Variants in NDEL1 observed in about 807,000 individuals in gnomAD.
NDEL1 encodes the protein nuclear distribution protein nudE-like 1.
Under a neutral mutation model 45.7 loss-of-function variants are expected in NDEL1, and 9 were observed. The observed-to-expected ratio is 0.20, with a 90% CI of 0.12 to 0.34. NDEL1 has a LOEUF of 0.34. NDEL1 is among the 10% of genes least tolerant of loss of function. The pLI is 1.00. For missense variants in NDEL1, 306 were observed against 406.2 expected, an observed-to-expected ratio of 0.75 and a Z score of 2.12; for synonymous variants, 133 against 158.6, an observed-to-expected ratio of 0.84 and a Z score of 1.21.
In NDEL1 at chr17:8,465,328, C is replaced by G. The variant is rs1035850813; in HGVS notation, c.945-1602C>G. The G allele has an allele frequency of 5.3e-5, 8 of 152,198 alleles. No individual in the cohort carries two copies. Among genetic ancestry groups the G allele is most frequent in the Admixed American group, 2.6e-4 (4 of 15,284 alleles). 9.4% of individuals were successfully genotyped at this position (152,198 alleles called of 1,614,324 possible). ...TCAAACTTGCAAATGTGTTGAAGCT[C>G]AAAAATCAGACCTAACCCAGTGAGG... On this transcript the variant is annotated intron_variant, in intron 8 of 8. Coordinates refer to ENST00000334527, the MANE Select transcript of NDEL1 (RefSeq NM_030808.5). The surrounding 1 kb of genome is among the most constrained non-coding windows in gnomAD (Gnocchi z 4.9).
chr17:8,472,586 C>A (rs1005368234), downstream of NDEL1, among the ~76,000 whole-genome samples: 1 of 152,116 alleles, frequency 6.6e-6, no homozygotes, highest in Non-Finnish European at 1.5e-5. Context: ...ATGGCTTGAA[C>A]CCGGAGGTGG....
chr17:8,465,781 T>G lies in NDEL1; in HGVS notation c.945-1149T>G, dbSNP rs1157952593. On this transcript the variant is annotated intron_variant, in intron 8 of 8. Transcript: ENST00000334527. This position sits in a 1 kb window ranked among gnomAD's most constrained non-coding sequence, Gnocchi z 4.9. ...TTGGCTTTATCTCCCAAATTGCTAG[T>G]GGGACAAATTTTCCTAGGAAGCGTT... The G allele has an allele frequency of 1.3e-5, 2 of 152,284 alleles. No individual in the cohort carries two copies. The highest frequency in any genetic ancestry group is 2.4e-5 in the African/African-American group (1 of 41,392). The allele number at this position is 152,284 out of a possible 1,614,324, so 9.4% of individuals were successfully genotyped here.
intron 7 of NDEL1, among the ~76,000 whole-genome samples, chr17:8,455,581 G>A (rs1460056284): frequency 6.6e-6 from 1 of 151,434 alleles, no homozygotes; most frequent in Non-Finnish European, 1.5e-5. Flanking sequence ...CAGCTACTTG[G>A]GAGGCTGAGG....
At chr17:8,462,432 G>A (rs550158169) in intron 8 of NDEL1, among the ~76,000 whole-genome samples, 17 of 152,134 alleles carry the variant, frequency 1.1e-4, no homozygotes, top group Admixed American at 5.9e-4. Context: ...CTTTCTTGCC[G>A]CTTTGCTTCG....
At chr17:8,454,710 T>C (rs966358670) in intron 6 of NDEL1, 86 bp from the exon 7 acceptor site, 4 of 909,472 alleles carry the variant, frequency 4.4e-6, no homozygotes, top group African/African-American at 1.7e-5. Context: ...TTGTATTGAG[T>C]GTTACACTAC....
At chr17:8,431,699 A>G (rs1909003453), upstream of NDEL1, among the ~76,000 whole-genome samples, 1 of 152,190 alleles carries the variant, frequency 6.6e-6, no homozygotes, top group Non-Finnish European at 1.5e-5. Flanking sequence ...AATGGGAATA[A>G]CACTACCTAT....
At chr17:8,468,305 CT>C (rs1443488351), downstream of NDEL1, 2 of 152,280 alleles carry the variant, frequency 1.3e-5, no homozygotes, top group African/African-American at 2.4e-5. Context: ...CCGGAGATGT[CT>C]TATGTGCGGA....
chr17:8,470,865 CGCT>C (rs1371516451), downstream of NDEL1, among the ~76,000 whole-genome samples: 1 of 152,178 alleles, frequency 6.6e-6, no homozygotes, highest in African/African-American at 2.4e-5. The surrounding 1 kb of genome is among the most constrained non-coding windows in gnomAD (Gnocchi z 4.2). Flanking sequence ...CTCCTGTGCC[CGCT>C]GCGCATGCTG....
At chr17:8,469,684 G>T (rs1197316951), downstream of NDEL1, among the ~76,000 whole-genome samples, 1 of 148,466 alleles carries the variant, frequency 6.7e-6, no homozygotes, top group Non-Finnish European at 1.5e-5. Flanking sequence ...GCAGTGGGGG[G>T]TTATATACCA....
At chr17:8,419,526 T>A (rs1319447287) in intron 1 of NDEL1, among the ~76,000 whole-genome samples, 1 of 152,212 alleles carries the variant, frequency 6.6e-6, no homozygotes, top group East Asian at 1.9e-4. Context: ...AGTATTTCTT[T>A]GCATGTATAT....
chr17:8,432,470 C>T (rs1000513528), upstream of NDEL1, among the ~76,000 whole-genome samples: 24 of 150,252 alleles, frequency 1.6e-4, no homozygotes, highest in African/African-American at 3.7e-4. Flanking sequence ...CTGCAAGCTC[C>T]GCCTCCCGGG....
At chr17:8,462,492 C>A (rs1472796124) in intron 8 of NDEL1, among the ~76,000 whole-genome samples, 1 of 152,244 alleles carries the variant, frequency 6.6e-6, no homozygotes, top group East Asian at 1.9e-4. Context: ...TTTCTTCTGC[C>A]AACCTGTTGA....
downstream of NDEL1, among the ~76,000 whole-genome samples, chr17:8,473,039 T>C (rs899538380): frequency 4.6e-5 from 7 of 152,116 alleles, no homozygotes; most frequent in Admixed American, 4.6e-4. Flanking sequence ...GAGTGTCGGG[T>C]CAGTCAAGAA....
chr17:8,463,142 A>G, intron 8 of NDEL1: 1 of 527,988 alleles, frequency 1.9e-6, no homozygotes, highest in Non-Finnish European at 3.4e-6. Context: ...GAGTCTCTCA[A>G]AAACACTCTT....
chr17:8,424,085 AGAC>A (rs1219520369), intron 1 of NDEL1, among the ~76,000 whole-genome samples: 1 of 152,254 alleles, frequency 6.6e-6, no homozygotes, highest in Non-Finnish European at 1.5e-5. Context: ...AAGGAAGAAC[AGAC>A]GAGAGAGAGA....
chr17:8,429,054 C>T (rs552665556), intron 1 of NDEL1, among the ~76,000 whole-genome samples: 3 of 152,276 alleles, frequency 2.0e-5, no homozygotes, highest in East Asian at 1.9e-4. Context: ...GGATTATAGA[C>T]GCTATGGCCT....
intron 7 of NDEL1, among the ~76,000 whole-genome samples, chr17:8,456,128 C>CT (rs1178912175): frequency 6.6e-6 from 1 of 152,176 alleles, no homozygotes; most frequent in African/African-American, 2.4e-5. Flanking sequence ...TTGCATTATA[C>CT]TTTATCTAAA....
intron 1 of NDEL1, among the ~76,000 whole-genome samples, chr17:8,415,850 C>T (rs990357886): frequency 1.3e-5 from 2 of 151,840 alleles, no homozygotes; most frequent in African/African-American, 2.4e-5. Flanking sequence ...CAGGTTCAAG[C>T]GATTCTCCTG....
chr17:8,453,622 G>A (rs1463787811), intron 6 of NDEL1, among the ~76,000 whole-genome samples: 1 of 152,014 alleles, frequency 6.6e-6, no homozygotes, highest in Non-Finnish European at 1.5e-5. Context: ...TAAATATCAT[G>A]GTAAATACTA....
Sources: gnomAD v4.1 joint callset for allele counts (sites outside exome capture counted in the v4.1 genomes callset) on GRCh38, gnomAD v4.1.1 for gene constraint, Gnocchi (gnomAD v3.1) non-coding constraint, MANE v1.5 for transcripts, NCBI Gene and HGNC (gene_info 2026-07-23, HGNC 2026-07-21) for gene names.